The following HOPX variants were observed in gnomAD, a reference collection of about 807,000 sequenced individuals.
HOPX encodes the protein HOP homeobox, also known as homeodomain-only protein.
A neutral mutation model predicts 11.8 loss-of-function variants in HOPX; 5 were observed. The observed-to-expected ratio is 0.43, with a 90% CI of 0.22 to 0.89. The LOEUF (loss-of-function observed/expected upper bound fraction) is 0.89, where lower values mean the gene tolerates loss of function less well. Ranked by LOEUF, HOPX falls within the 40% of genes least tolerant of loss-of-function variation. The probability of loss-of-function intolerance (pLI) is 0.28; values close to 1 mark genes in which losing one functional copy is unlikely to be tolerated. For missense variants in HOPX, 119 were observed against 120.0 expected (o/e 0.99, Z 0.04); for synonymous variants, 49 against 49.7 (o/e 0.99, Z 0.06).
intron 1 of HOPX, among the ~76,000 whole-genome samples, chr4:56,669,459 G>A (rs1173271963): frequency 6.6e-6 from 1 of 152,122 alleles, no homozygotes; most frequent in African/African-American, 2.4e-5. Context: ...AGGAGTTCAA[G>A]AGCAGCCTGG....
chr4:56,672,365 C>A (rs1192133759), intron 1 of HOPX, among the ~76,000 whole-genome samples: 2 of 151,318 alleles, frequency 1.3e-5, no homozygotes, highest in African/African-American at 4.9e-5. Flanking sequence ...ATGGAGAAAC[C>A]CCGCCTCTAC....
At chr4:56,667,374 C>A (rs1470564963) in intron 1 of HOPX, among the ~76,000 whole-genome samples, 1 of 152,160 alleles carries the variant, frequency 6.6e-6, no homozygotes, top group Non-Finnish European at 1.5e-5. Context: ...TCTCTATTAT[C>A]CAGTTTGAAA....
chr4:56,660,118 T>C (rs1170528520), intron 1 of HOPX, among the ~76,000 whole-genome samples: 2 of 152,218 alleles, frequency 1.3e-5, no homozygotes, highest in Non-Finnish European at 2.9e-5. Context: ...TTCCAGTTCA[T>C]CACACACATT....
At chr4:56,660,689 G>A (rs1718067004) in intron 1 of HOPX, among the ~76,000 whole-genome samples, 2 of 152,048 alleles carry the variant, frequency 1.3e-5, no homozygotes, top group African/African-American at 4.8e-5. Flanking sequence ...TGTTCTCCAA[G>A]ACTATTTAGA....
rs1560366274 is a variant in HOPX at position 56,657,850 on chromosome 4, G to A, written c.-34C>T. 1 of 1,549,640 alleles carries A rather than the reference G, an allele frequency of 6.5e-7. No homozygotes were observed. The highest frequency in any genetic ancestry group is 8.7e-7 in the Non-Finnish European group (1 of 1,145,090). ...TAACTTTCTGAATGTTGCCCAGCTG[G>A]TGACCTGTGCTCCGCTAGACCCTTC... On this transcript the variant is annotated 5_prime_UTR_variant, in exon 2 of 4. Transcript: ENST00000420433.
chr4:56,671,519 C>G (rs1718731632), intron 1 of HOPX, among the ~76,000 whole-genome samples: 1 of 151,970 alleles, frequency 6.6e-6, no homozygotes, highest in African/African-American at 2.4e-5. Flanking sequence ...CAGCTGGTAC[C>G]TTGCAGAGCT....
intron 1 of HOPX, among the ~76,000 whole-genome samples, chr4:56,673,908 T>A (rs1056717097): frequency 6.6e-6 from 1 of 151,646 alleles, no homozygotes; most frequent in Non-Finnish European, 1.5e-5. Flanking sequence ...TTTCACCATG[T>A]TGGCCAGGCT....
chr4:56,657,001 G>A (rs1389276565), intron 2 of HOPX, among the ~76,000 whole-genome samples: 3 of 152,144 alleles, frequency 2.0e-5, no homozygotes, highest in Non-Finnish European at 2.9e-5. Flanking sequence ...TATAAAGTCA[G>A]GAAAATGGGC....
chr4:56,680,335 A>G (rs898234063), intron 1 of HOPX: 2 of 152,136 alleles, frequency 1.3e-5, no homozygotes, highest in Non-Finnish European at 2.9e-5. Context: ...CTCTATTCCT[A>G]TCTGCTTTTC....
chr4:56,650,781 C>T lies in HOPX; in HGVS notation c.199-1984G>A, dbSNP rs1373298797. The stretch of plus-strand genomic sequence containing the variant: ...TCTTTGGGGGCTACTTTCTGGGTGC[C>T]ATATTTTGCTCCTGGAGATCAAATC... On this transcript the variant is annotated intron_variant, in intron 3 of 3. Transcript: ENST00000420433. 7.7e-6 allele frequency: 12 copies of T among 1,550,704 alleles called. No individual in the cohort carries two copies. In the East Asian group the frequency reaches 2.7e-4, roughly 35 times the overall value.
intron 2 of HOPX, among the ~76,000 whole-genome samples, chr4:56,657,452 C>T (rs1717827016): frequency 6.6e-6 from 1 of 152,194 alleles, no homozygotes; most frequent in Non-Finnish European, 1.5e-5. Flanking sequence ...CTGTTATAAC[C>T]TTCTCCACTG....
intron 3 of HOPX, chr4:56,650,640 T>C: frequency 6.5e-7 from 1 of 1,549,062 alleles, no homozygotes. Context: ...CAGCAGAGTT[T>C]ACACACTGAA....
intron 1 of HOPX, chr4:56,659,332 G>C (rs545517750): frequency 2.0e-5 from 3 of 152,282 alleles, no homozygotes; most frequent in African/African-American, 7.2e-5. Context: ...GAAACATTTT[G>C]TATTTTCCTA....
At chr4:56,670,386 A>G (rs552449594) in intron 1 of HOPX, among the ~76,000 whole-genome samples, 32 of 152,256 alleles carry the variant, frequency 2.1e-4, no homozygotes, top group Admixed American at 3.9e-4. Context: ...TATTTTCTAA[A>G]GAGAACCTTT....
At chr4:56,656,317 T>A in intron 2 of HOPX, 1 of 1,093,822 alleles carries the variant, frequency 9.1e-7, no homozygotes, top group African/African-American at 1.7e-5. Context: ...GGGGGCGAGA[T>A]AGATGATTCC....
rs557223508 is a variant in HOPX, at chr4:56,661,225, T to C, written c.-83-3326A>G. Among the ~76,000 whole-genome samples the C allele has an allele frequency of 6.5e-4, 99 of 152,376 alleles. 3 individuals are homozygous for C. The South Asian group carries it at 0.019, about 30-fold the overall frequency. On this transcript the variant is annotated intron_variant, in intron 1 of 3. Coordinates refer to ENST00000420433, the MANE Select transcript of HOPX (RefSeq NM_032495.6). ...TGTCATACCATATATAATTTTTCTG[T>C]AAATTGCTTTTTTCACTCAACAGTG... is the stretch of plus-strand genomic sequence containing the variant.
chr4:56,655,223 T>C (rs975181959), intron 3 of HOPX, among the ~76,000 whole-genome samples: 15 of 152,176 alleles, frequency 9.9e-5, no homozygotes, highest in Admixed American at 9.8e-4. Flanking sequence ...GGGAATTTTT[T>C]AAAAAATCGG....
intron 1 of HOPX, among the ~76,000 whole-genome samples, chr4:56,673,903 C>A (rs569716828): frequency 2.6e-5 from 4 of 151,680 alleles, no homozygotes; most frequent in Non-Finnish European, 5.9e-5. Context: ...CGGGGTTTCA[C>A]CATGTTGGCC....
chr4:56,651,955 C>G (rs36104107), intron 3 of HOPX, among the ~76,000 whole-genome samples: 78,224 of 150,982 alleles, frequency 0.52, 21,245 homozygotes, highest in African/African-American at 0.69. Flanking sequence ...CAACCTCCCA[C>G]GGGGCTGAGG....
Sources: gnomAD v4.1 joint callset for allele counts (sites outside exome capture counted in the v4.1 genomes callset) on GRCh38, gnomAD v4.1.1 for gene constraint, MANE v1.5 for transcripts, NCBI Gene and HGNC (gene_info 2026-07-23, HGNC 2026-07-21) for gene names.